Variants in POLR3E observed in about 807,000 individuals in gnomAD.
POLR3E encodes the protein RNA polymerase III subunit E.
Under a neutral mutation model 96.6 loss-of-function variants are expected in POLR3E, and 41 were observed. That is an observed-to-expected ratio of 0.42 (90% CI 0.33 to 0.55). The LOEUF (loss-of-function observed/expected upper bound fraction) is 0.55. POLR3E is among the 20% of genes least tolerant of loss of function. The pLI is 0.06. For synonymous variants in POLR3E, 396 were observed against 383.6 expected, an observed-to-expected ratio of 1.03 and a Z score of -0.38; for missense variants, 849 against 952.1, an observed-to-expected ratio of 0.89 and a Z score of 1.43.
At position 22,332,197 on chromosome 16, in the gene POLR3E, T is replaced by C; in HGVS notation, c.2070+12T>C. 1 of 1,611,008 alleles carries C rather than the reference T, an allele frequency of 6.2e-7. No individual in the cohort carries two copies. ...ATAAAGTACTAAAGGTACATCCATT[T>C]TGTGCATAACAAACAATATCAAAGG... On this transcript the variant is annotated intron_variant, in intron 20 of 20. Coordinates refer to ENST00000299853, the MANE Select transcript of POLR3E (RefSeq NM_018119.4).
chr16:22,305,957 A>G (rs771364666), intron 3 of POLR3E, among the ~76,000 whole-genome samples: 25 of 152,114 alleles, frequency 1.6e-4, no homozygotes, highest in Admixed American at 4.6e-4. Context: ...AATGCAATGG[A>G]TTTTAGTCTA....
chr16:22,306,306 T>C (rs550723588), intron 3 of POLR3E, among the ~76,000 whole-genome samples: 2 of 152,316 alleles, frequency 1.3e-5, no homozygotes, highest in African/African-American at 4.8e-5. Flanking sequence ...TTGCCCAGGC[T>C]GGAGTGCAGT....
chr16:22,315,089 G>C lies in POLR3E; in HGVS notation c.523G>C (p.Val175Leu). The C allele has an allele frequency of 6.2e-7, 1 of 1,613,190 alleles. No homozygotes were observed. The highest frequency in any genetic ancestry group is 8.5e-7 in the Non-Finnish European group (1 of 1,179,886). ...TGACCTCTTCCCCTTCCCACCGCAG[G>C]TGCGGTTCTCCCGGCCGGAGTCAGA... ...EAEDDVKQITVRFSRPESEQA... is the reference protein window; with the variant it reads ...EAEDDVKQITLRFSRPESEQA... Residue 175 changes from valine (V) to leucine (L), a missense_variant and splice_region_variant, in exon 9 of 21, where the codon GTG (valine) becomes CTG (leucine). Physicochemically the swap from Val to Leu is conservative, Grantham distance 32 (BLOSUM62 1). Transcript: ENST00000299853.
intron 20 of POLR3E, among the ~76,000 whole-genome samples, chr16:22,332,549 A>C (rs1178967548): frequency 6.6e-6 from 1 of 152,078 alleles, no homozygotes; most frequent in Non-Finnish European, 1.5e-5. Context: ...GGCTGCTAAG[A>C]GCCTAAAACA....
intron 4 of POLR3E, 143 bp downstream of exon 4, chr16:22,308,368 A>G (rs1027563147): frequency 2.7e-5 from 19 of 692,590 alleles, no homozygotes; most frequent in Middle Eastern, 6.1e-4. Flanking sequence ...CTGAAGAAGG[A>G]AAGTGTCCAG....
chr16:22,328,842 C>T, intron 19 of POLR3E: 5 of 443,024 alleles, frequency 1.1e-5, no homozygotes, highest in South Asian at 1.1e-4. Context: ...TTAAAAAATA[C>T]AGGCTGGGCG....
At chr16:22,306,519 C>A (rs1416857954) in intron 3 of POLR3E, among the ~76,000 whole-genome samples, 3 of 152,218 alleles carry the variant, frequency 2.0e-5, no homozygotes, top group African/African-American at 7.2e-5. Context: ...TCCCATAGTG[C>A]TGGGATTACA....
chr16:22,329,021 G>C (rs1177498663), intron 19 of POLR3E: 2 of 197,178 alleles, frequency 1.0e-5, no homozygotes, highest in African/African-American at 2.3e-5. Flanking sequence ...GGGAGAGAGA[G>C]GTTGCAGTGA....
intron 6 of POLR3E, among the ~76,000 whole-genome samples, chr16:22,312,893 AAAAAC>A (rs2048277324): frequency 6.6e-6 from 1 of 151,814 alleles, no homozygotes. Flanking sequence ...AAAAAAAAAA[AAAAAC>A]AGTAAAGTGC....
Position 22,309,034 on chromosome 16 carries a change from A to G in POLR3E, c.275A>G (p.Tyr92Cys), listed in dbSNP as rs557391772. 1.2e-6 allele frequency: 2 copies of G among 1,609,624 alleles called. No homozygotes were observed. The highest frequency in any genetic ancestry group is 2.2e-5 in the South Asian group (2 of 90,944). Reference protein sequence around the residue: ...DGACADETSTYSSKLMDKQTF... With the variant: ...DGACADETSTCSSKLMDKQTF... ...GCCTGCGCCGACGAGACCAGCACGT[A>G]TTCCTCGTGAGTTTCCGGCCCCAAG... The change falls in exon 5 of 21, where the codon TAT becomes TGT. Residue 92 changes from tyrosine to cysteine, a missense_variant. Tyr to Cys is a radical substitution (Grantham distance 194). Coordinates refer to ENST00000299853, the MANE Select transcript of POLR3E (RefSeq NM_018119.4).
At position 22,313,756 on chromosome 16, in the gene POLR3E, C is replaced by A; in HGVS notation, c.472+29C>A. The A allele has an allele frequency of 6.9e-7, 1 of 1,453,188 alleles. No individual in the cohort carries two copies. The highest frequency in any genetic ancestry group is 9.6e-7 in the Non-Finnish European group (1 of 1,038,638). The allele number at this position is 1,453,188 out of a possible 1,614,324, so 90.0% of individuals were successfully genotyped here. On this transcript the variant is annotated intron_variant, in intron 7 of 20. Coordinates refer to ENST00000299853, the MANE Select transcript of POLR3E (RefSeq NM_018119.4). The surrounding 1 kb of genome is among the most constrained non-coding windows in gnomAD (Gnocchi z 4.1). ...AGCCCGGGATCCCCAGCCCTGCTGC[C>A]TGCCTGCCTTCATCCTGGTGGGATG... is the stretch of plus-strand genomic sequence containing the variant.
intron 4 of POLR3E, chr16:22,308,527 G>A (rs762986552): frequency 1.7e-5 from 8 of 482,302 alleles, no homozygotes; most frequent in East Asian, 1.5e-4. Flanking sequence ...AGAATCTAGC[G>A]CCTATCCATG....
intron 12 of POLR3E, 52 bp downstream of exon 12, chr16:22,317,258 A>G (rs1266237899): frequency 7.7e-7 from 1 of 1,299,950 alleles, no homozygotes; most frequent in East Asian, 2.3e-5. Context: ...GTGGCTCCTG[A>G]GGAATGGACT....
intron 13 of POLR3E, among the ~76,000 whole-genome samples, chr16:22,320,220 C>G (rs2048440908): frequency 6.6e-6 from 1 of 151,998 alleles, no homozygotes; most frequent in South Asian, 2.1e-4. Context: ...CTCTAGTGTT[C>G]CAATTTTAGT....
intron 1 of POLR3E, chr16:22,298,856 C>G (rs1165087415): frequency 2.4e-6 from 1 of 421,160 alleles, no homozygotes; most frequent in Non-Finnish European, 4.8e-6. Flanking sequence ...AGGCACTGTT[C>G]TAGGTATTGA....
intron 13 of POLR3E, among the ~76,000 whole-genome samples, chr16:22,321,368 T>G (rs1007720984): frequency 2.0e-5 from 3 of 152,260 alleles, no homozygotes; most frequent in Non-Finnish European, 4.4e-5. Context: ...CCTTGAAAGC[T>G]CCTCATAGTT....
chr16:22,312,427 G>A (rs772161692), intron 6 of POLR3E, among the ~76,000 whole-genome samples: 4 of 152,084 alleles, frequency 2.6e-5, no homozygotes, highest in African/African-American at 4.8e-5. Flanking sequence ...AACTCAGGAG[G>A]CGGAGGTTGC....
At chr16:22,315,493 A>T (rs957900547) in intron 9 of POLR3E, among the ~76,000 whole-genome samples, 1 of 152,038 alleles carries the variant, frequency 6.6e-6, no homozygotes, top group African/African-American at 2.4e-5. Flanking sequence ...GCCTGGTAAC[A>T]TATTTTCGCT....
At chr16:22,306,037 T>C (rs1352087160) in intron 3 of POLR3E, among the ~76,000 whole-genome samples, 2 of 152,150 alleles carry the variant, frequency 1.3e-5, no homozygotes, top group African/African-American at 4.8e-5. Context: ...AAGGAACCCC[T>C]TGCCTATTAG....
Sources: allele counts gnomAD v4.1 joint callset (sites outside exome capture counted in the v4.1 genomes callset), GRCh38; gene constraint gnomAD v4.1.1; non-coding constraint Gnocchi (gnomAD v3.1); transcripts MANE v1.5; gene names NCBI Gene and HGNC (gene_info 2026-07-23, HGNC 2026-07-21).